CAST: variants seen among roughly 807,000 people sequenced by gnomAD.
The protein encoded by CAST is MIR583 host.
A neutral mutation model predicts 119.6 loss-of-function variants in CAST; 76 were observed. That is an observed-to-expected ratio of 0.64 (90% CI 0.53 to 0.77). The LOEUF (loss-of-function observed/expected upper bound fraction) is 0.77, where lower values mean the gene tolerates loss of function less well. Among genes scored for constraint, CAST ranks in the 30% least tolerant of loss-of-function variants. The pLI is 0.00. For synonymous variants in CAST, 319 were observed against 331.6 expected (o/e 0.96, Z 0.41); for missense variants, 953 against 946.5 (o/e 1.01, Z -0.09).
intron 1 of CAST, among the ~76,000 whole-genome samples, chr5:96,588,980 A>T (rs778382453): frequency 3.9e-5 from 6 of 152,260 alleles, no homozygotes; most frequent in Non-Finnish European, 8.8e-5. Flanking sequence ...GGCCTCAAGA[A>T]TTATTAATTT....
chr5:96,703,801 A>T (rs1367638214), intron 3 of CAST, among the ~76,000 whole-genome samples: 1 of 152,226 alleles, frequency 6.6e-6, no homozygotes, highest in African/African-American at 2.4e-5. Flanking sequence ...AAACCTCTGC[A>T]TTGCAGGGAA....
chr5:96,360,864 T>C, the CAST span, among the ~76,000 whole-genome samples: 1 of 152,226 alleles, frequency 6.6e-6, no homozygotes, highest in Non-Finnish European at 1.5e-5. Context: ...AGAGCTGTGC[T>C]GGGAGATCCA....
chr5:96,001,200 G>C, the CAST span, among the ~76,000 whole-genome samples: 1 of 152,168 alleles, frequency 6.6e-6, no homozygotes, highest in African/African-American at 2.4e-5. Flanking sequence ...GCCAGACACT[G>C]TGAGGCACTC....
chr5:96,703,496 A>AG (rs1384542954), intron 3 of CAST, among the ~76,000 whole-genome samples: 1 of 152,164 alleles, frequency 6.6e-6, no homozygotes, highest in Non-Finnish European at 1.5e-5. Flanking sequence ...AACATCACTG[A>AG]GGGTTACTTT....
At chr5:96,322,641 G>A in the CAST span, among the ~76,000 whole-genome samples, 4 of 152,144 alleles carry the variant, frequency 2.6e-5, no homozygotes, top group African/African-American at 9.7e-5. Flanking sequence ...ATGTGCAGGA[G>A]CTTCTGGCCC....
At chr5:96,392,326 A>T in the CAST span, 11 of 152,348 alleles carry the variant, frequency 7.2e-5, no homozygotes, top group African/African-American at 2.7e-4. Context: ...GGATCCACGG[A>T]CGCCTCTGGC....
chr5:96,515,468 T>C, the CAST span, among the ~76,000 whole-genome samples: 2 of 151,996 alleles, frequency 1.3e-5, no homozygotes, highest in Non-Finnish European at 2.9e-5. Flanking sequence ...GACAGAGAGG[T>C]TTGGCTTCCT....
chr5:95,996,789 T>C, the CAST span, among the ~76,000 whole-genome samples: 3 of 152,266 alleles, frequency 2.0e-5, no homozygotes, highest in African/African-American at 7.2e-5. Context: ...TTAATATTTT[T>C]TCAGGTGATT....
chr5:96,209,146 CT>C, the CAST span, among the ~76,000 whole-genome samples: 8 of 151,488 alleles, frequency 5.3e-5, no homozygotes, highest in African/African-American at 1.5e-4. Flanking sequence ...GAGCCCCTCC[CT>C]TTTTTTTCTG....
chr5:96,675,746 A>G, intron 2 of CAST, 145 bp downstream of exon 2: 1 of 586,818 alleles, frequency 1.7e-6, no homozygotes, highest in Non-Finnish European at 3.0e-6. Flanking sequence ...TGGTTCAAGA[A>G]TATAAAAGGA....
chr5:96,698,389 C>CT (rs1242883951), intron 3 of CAST, among the ~76,000 whole-genome samples: 1 of 152,076 alleles, frequency 6.6e-6, no homozygotes, highest in Non-Finnish European at 1.5e-5. Context: ...CTTTTTTTGG[C>CT]TTTAAAAACA....
chr5:96,708,182 G>A (rs780601463), intron 3 of CAST, among the ~76,000 whole-genome samples: 14 of 152,274 alleles, frequency 9.2e-5, no homozygotes, highest in Non-Finnish European at 1.6e-4. Flanking sequence ...TTAGACATGC[G>A]TTATTTTATA....
chr5:96,556,207 T>C (rs1045719407), intron 1 of CAST, among the ~76,000 whole-genome samples: 1 of 152,162 alleles, frequency 6.6e-6, no homozygotes, highest in African/African-American at 2.4e-5. Context: ...AAACCCCATC[T>C]GTACATCTGC....
the CAST span, among the ~76,000 whole-genome samples, chr5:96,505,990 A>G: frequency 6.6e-6 from 1 of 152,202 alleles, no homozygotes; most frequent in Non-Finnish European, 1.5e-5. Context: ...AGGCCATGGC[A>G]CTAGAGAAAG....
the CAST span, among the ~76,000 whole-genome samples, chr5:96,230,770 C>T: frequency 6.6e-6 from 1 of 151,842 alleles, no homozygotes; most frequent in Admixed American, 6.6e-5. Context: ...TTGTATCCAA[C>T]CCATATAAAG....
At chr5:96,225,585 T>G in the CAST span, among the ~76,000 whole-genome samples, 1 of 152,136 alleles carries the variant, frequency 6.6e-6, no homozygotes, top group African/African-American at 2.4e-5. Flanking sequence ...TGTTGGAAAT[T>G]TTCTGAAAAG....
the CAST span, among the ~76,000 whole-genome samples, chr5:96,160,671 T>C: frequency 6.6e-6 from 1 of 152,182 alleles, no homozygotes; most frequent in Non-Finnish European, 1.5e-5. Context: ...ATTTAACATT[T>C]TTAGGAACTG....
the CAST span, among the ~76,000 whole-genome samples, chr5:96,494,211 A>G: frequency 4.1e-4 from 62 of 152,296 alleles, no homozygotes; most frequent in African/African-American, 1.4e-3. Flanking sequence ...GAGGCGATGA[A>G]CTACCTTGTA....
the CAST span, among the ~76,000 whole-genome samples, chr5:96,365,129 C>T: frequency 2.8e-3 from 416 of 148,702 alleles, no homozygotes; most frequent in African/African-American, 9.6e-3. Context: ...TGTAGTTGAG[C>T]GGTTTTGAGT....
Sources: gnomAD v4.1 joint callset for allele counts (sites outside exome capture counted in the v4.1 genomes callset) on GRCh38, gnomAD v4.1.1 for gene constraint, MANE v1.5 for transcripts, NCBI Gene and HGNC (gene_info 2026-07-23, HGNC 2026-07-21) for gene names.